The following KCNMA1 variants were observed in gnomAD, a reference collection of about 807,000 sequenced individuals.
The protein encoded by KCNMA1 is Calcium-activated potassium channel subunit alpha-1.
A neutral mutation model predicts 140.0 loss-of-function variants in KCNMA1; 29 were observed. The ratio of observed to expected loss-of-function variants is 0.21; its 90% CI spans 0.15 to 0.28. The LOEUF (loss-of-function observed/expected upper bound fraction) is 0.28. Among genes scored for constraint, KCNMA1 ranks in the 10% least tolerant of loss-of-function variants. KCNMA1 has a pLI of 1.00. For synonymous variants in KCNMA1, 612 were observed against 611.9 expected, an observed-to-expected ratio of 1.00 and a Z score of 0.00; for missense variants, 880 against 1,602.2, an observed-to-expected ratio of 0.55 and a Z score of 7.70.
At chr10:77,148,756 T>C (rs146474317) in intron 5 of KCNMA1, among the ~76,000 whole-genome samples, 394 of 152,288 alleles carry the variant, frequency 2.6e-3, no homozygotes, top group Middle Eastern at 6.8e-3. Flanking sequence ...GATACAAAAA[T>C]GAATGAGCTT....
At chr10:77,405,310 A>T (rs185550268) in intron 1 of KCNMA1, among the ~76,000 whole-genome samples, 27 of 152,302 alleles carry the variant, frequency 1.8e-4, no homozygotes, top group Non-Finnish European at 3.5e-4. Flanking sequence ...AAAACCGCTA[A>T]TATACTTAAT....
intron 1 of KCNMA1, among the ~76,000 whole-genome samples, chr10:77,514,032 C>A (rs1183916344): frequency 6.6e-6 from 1 of 152,260 alleles, no homozygotes; most frequent in Non-Finnish European, 1.5e-5. Context: ...CAGAGCACCA[C>A]CCGTGCCTAT....
Position 76,886,517 on chromosome 10 carries a change from T to G in KCNMA1, c.*749A>C, listed in dbSNP as rs575947533. ...CAATCAAACCTCTTTTCACTTAAAC[T>G]AAATGACTAGAATTTGATACATCCA... On this transcript the variant is annotated 3_prime_UTR_variant, in exon 28 of 28. Coordinates refer to ENST00000286628, the MANE Select transcript of KCNMA1 (RefSeq NM_001161352.2). The G allele has an allele frequency of 4.1e-6, 4 of 985,160 alleles. No individual in the cohort carries two copies. The East Asian group carries it at 4.5e-4, about 112-fold the overall frequency. The allele number at this position is 985,160 out of a possible 1,614,324, so 61.0% of individuals were successfully genotyped here. A position where few individuals can be genotyped will look rare whatever the true frequency, so the allele number is the denominator to read the frequency against.
At chr10:77,106,965 C>T (rs1435431989) in intron 9 of KCNMA1, among the ~76,000 whole-genome samples, 1 of 152,204 alleles carries the variant, frequency 6.6e-6, no homozygotes, top group Non-Finnish European at 1.5e-5. Flanking sequence ...CTCTGGCCCA[C>T]TGTCCTTTGT....
At chr10:77,362,492 C>A (rs1022074192) in intron 2 of KCNMA1, among the ~76,000 whole-genome samples, 1 of 152,084 alleles carries the variant, frequency 6.6e-6, no homozygotes, top group African/African-American at 2.4e-5. Context: ...TATGTAACCC[C>A]TCTGAGCCTC....
intron 21 of KCNMA1, among the ~76,000 whole-genome samples, chr10:76,951,021 T>G (rs1321274239): frequency 6.6e-6 from 1 of 152,178 alleles, no homozygotes; most frequent in Non-Finnish European, 1.5e-5. Context: ...AAAGCACTGT[T>G]ATGTGATGGG....
At chr10:76,893,697 G>A (rs1451924459) in intron 25 of KCNMA1, among the ~76,000 whole-genome samples, 1 of 152,144 alleles carries the variant, frequency 6.6e-6, no homozygotes, top group African/African-American at 2.4e-5. Context: ...CTGAGATCAT[G>A]CCACTGCACC....
intron 1 of KCNMA1, among the ~76,000 whole-genome samples, chr10:77,529,237 T>TA (rs1241265365): frequency 1.6e-4 from 20 of 125,636 alleles, no homozygotes; most frequent in Admixed American, 7.2e-4. Context: ...CTCCCCTCTT[T>TA]TTCCCCCTGC....
intron 5 of KCNMA1, among the ~76,000 whole-genome samples, chr10:77,122,020 G>T (rs2097612459): frequency 6.6e-6 from 1 of 152,236 alleles, no homozygotes; most frequent in Admixed American, 6.5e-5. Flanking sequence ...GCCAAAGGCA[G>T]TGCGAAGCCC....
At chr10:77,173,904 T>C (rs2098730514) in intron 5 of KCNMA1, among the ~76,000 whole-genome samples, 2 of 152,052 alleles carry the variant, frequency 1.3e-5, no homozygotes, top group African/African-American at 2.4e-5. Flanking sequence ...TTGAGTCAAG[T>C]TATCAGATGT....
intron 9 of KCNMA1, among the ~76,000 whole-genome samples, chr10:77,099,637 C>T (rs2097043554): frequency 1.3e-5 from 2 of 151,196 alleles, no homozygotes. Context: ...TTGCTTGAAT[C>T]TGGGAGGTGG....
intron 5 of KCNMA1, among the ~76,000 whole-genome samples, chr10:77,152,186 G>C (rs2098425133): frequency 6.6e-6 from 1 of 152,052 alleles, no homozygotes; most frequent in African/African-American, 2.4e-5. Context: ...AAATAAATGT[G>C]TTGTGAAATT....
chr10:77,162,587 C>G (rs140443632), intron 5 of KCNMA1, among the ~76,000 whole-genome samples: 2 of 152,114 alleles, frequency 1.3e-5, no homozygotes, highest in Admixed American at 6.5e-5. Context: ...CTGGAAGACC[C>G]GAGCCAAAAG....
At position 77,636,849 on chromosome 10, in the gene KCNMA1, C is replaced by A. The variant is rs924745718; in HGVS notation, c.378+416G>T. On this transcript the variant is annotated intron_variant, in intron 1 of 27. Transcript: ENST00000286628. ...GGCGGATGTGCTCCCTCTCGCCCAC[C>A]GCCAGGAGCCGAGCCCCGGCAGGTG... 4.2e-6 allele frequency: 6 copies of A among 1,428,802 alleles called. No homozygotes were observed. In the African/African-American group the frequency reaches 4.3e-5, roughly 10 times the overall value. 88.5% of individuals were successfully genotyped at this position (1,428,802 alleles called of 1,614,324 possible). A position where few individuals can be genotyped will look rare whatever the true frequency, so the allele number is the denominator to read the frequency against.
At chr10:76,893,153 T>G (rs571902565) in intron 25 of KCNMA1, among the ~76,000 whole-genome samples, 1 of 152,300 alleles carries the variant, frequency 6.6e-6, no homozygotes, top group South Asian at 2.1e-4. Flanking sequence ...GAAAGTTATT[T>G]AACATTTTTG....
At chr10:76,899,422 C>T (rs1439200545) in intron 25 of KCNMA1, among the ~76,000 whole-genome samples, 1 of 152,136 alleles carries the variant, frequency 6.6e-6, no homozygotes, top group African/African-American at 2.4e-5. Context: ...AGAACCATAG[C>T]TTAGTAGTTA....
rs1565798381 is a variant in KCNMA1, at chr10:77,295,799, A to AAAAC, written c.541-44544_541-44543insGTTT. ...CGAGACTCCGTCTCAAAAAAAAAAAAAAAAAAAAAAAAAAAAAACAGTTTT... is the reference window on the plus strand; with the variant it reads ...CGAGACTCCGTCTCAAAAAAAAAAAAAAACAAAAAAAAAAAAAAAAAACAGTTTT... On this transcript the variant is annotated intron_variant, in intron 2 of 27. Coordinates refer to ENST00000286628, the MANE Select transcript of KCNMA1 (RefSeq NM_001161352.2). Among the ~76,000 whole-genome samples, 8 of 149,252 alleles carry AAAAC rather than the reference A, an allele frequency of 5.4e-5. 1 individual carries two copies. Among genetic ancestry groups the AAAAC allele is most frequent in the Non-Finnish European group, 1.0e-4 (7 of 67,434 alleles).
intron 2 of KCNMA1, among the ~76,000 whole-genome samples, chr10:77,257,703 T>C (rs2154261404): frequency 6.6e-6 from 1 of 152,216 alleles, no homozygotes. Context: ...AATTGAATCA[T>C]GGGGGCGGGT....
intron 1 of KCNMA1, 28 bp from the exon 2 acceptor site, chr10:77,404,051 A>C: frequency 6.2e-7 from 1 of 1,611,686 alleles, no homozygotes; most frequent in Non-Finnish European, 8.5e-7. Context: ...AAGAGTTAAG[A>C]CATAGGGAAC....
Sources: allele counts gnomAD v4.1 joint callset (sites outside exome capture counted in the v4.1 genomes callset), GRCh38; gene constraint gnomAD v4.1.1; transcripts MANE v1.5; gene names NCBI Gene and HGNC (gene_info 2026-07-23, HGNC 2026-07-21).